The following ING1 variants were observed in gnomAD, a reference collection of about 807,000 sequenced individuals.
ING1 encodes the protein inhibitor of growth protein 1.
In ING1, 4 loss-of-function variants were observed where a neutral mutation model predicts 23.1. That is an observed-to-expected ratio of 0.17 (90% CI 0.09 to 0.40). The LOEUF is 0.40. Ranked by LOEUF, ING1 falls within the 10% of genes least tolerant of loss-of-function variation. The pLI is 1.00. For missense variants in ING1, 256 were observed against 393.8 expected (o/e 0.65, Z 2.96); for synonymous variants, 179 against 166.4 (o/e 1.08, Z -0.58).
At chr13:110,716,031 A>C in intron 1 of ING1, 1 of 1,482,058 alleles carries the variant, frequency 6.7e-7, no homozygotes, top group South Asian at 1.4e-5. Context: ...GGCTGCGTCC[A>C]CGAGGGGGAC....
chr13:110,715,411 C>T (rs1479010295), intron 1 of ING1: 3 of 1,537,204 alleles, frequency 2.0e-6, no homozygotes, highest in East Asian at 2.3e-5. Flanking sequence ...TATTATGGAA[C>T]GTCCCGCCTC....
In ING1 at chr13:110,720,246, G is replaced by A. The variant is rs1566383450; in HGVS notation, c.*314G>A. On this transcript the variant is annotated 3_prime_UTR_variant, in exon 2 of 2. Coordinates refer to ENST00000333219, the MANE Select transcript of ING1 (RefSeq NM_198219.3). ...CAACCTAACACATTAAATGTGGAAG[G>A]AAAATATTTCATTTAGCTTTTTTAT... is the stretch of plus-strand genomic sequence containing the variant. 5 of 208,268 alleles carry A rather than the reference G, an allele frequency of 2.4e-5. No individual in the cohort carries two copies. Among genetic ancestry groups the A allele is most frequent in the Non-Finnish European group, 5.2e-5 (5 of 95,744 alleles). 12.9% of individuals were successfully genotyped at this position (208,268 alleles called of 1,614,324 possible).
rs35992622 is a variant in ING1, at chr13:110,719,461, G to A, written c.369G>A (p.Ala123=). Reference sequence around the variant, plus strand: ...CGCAGCAGGAGCTGGGCGACACAGCGGGCAACAGCGGCAAGGCTGGCGCGG... The same window carrying A: ...CGCAGCAGGAGCTGGGCGACACAGCAGGCAACAGCGGCAAGGCTGGCGCGG... ...FEAQQELGDT[A]GNSGKAGADR... The change falls in exon 2 of 2, where the codon GCG becomes GCA. Residue 123 remains alanine, a synonymous_variant. Transcript: ENST00000333219. This position sits in a 1 kb window ranked among gnomAD's most constrained non-coding sequence, Gnocchi z 8.9. The A allele has an allele frequency of 1.2e-5, 20 of 1,612,682 alleles. 1 individual carries two copies. The highest frequency in any genetic ancestry group is 1.6e-4 in the Middle Eastern group (1 of 6,074).
chr13:110,716,303 T>C lies in ING1; in HGVS notation c.136+2018T>C, dbSNP rs574059029. On this transcript the variant is annotated intron_variant, in intron 1 of 1. Transcript: ENST00000333219. The stretch of plus-strand genomic sequence containing the variant: ...ATGTTCACCTAGGGTGATGAACTTT[T>C]TGGCTTCAGGAAAGATCACAGTCCT... Among the ~76,000 whole-genome samples the C allele has an allele frequency of 1.4e-4, 22 of 152,268 alleles. 1 individual carries two copies. Among genetic ancestry groups the C allele is most frequent in the Admixed American group, 1.3e-3 (20 of 15,308 alleles).
chr13:110,714,284 A>G lies in ING1; in HGVS notation c.135A>G (p.Gln45=). 1 of 1,554,428 alleles carries G rather than the reference A, an allele frequency of 6.4e-7. No homozygotes were observed. The highest frequency in any genetic ancestry group is 8.7e-7 in the Non-Finnish European group (1 of 1,150,978). Residue 45 remains glutamine (Q), a splice_region_variant and synonymous_variant, in exon 1 of 2, where the codon CAA becomes CAG. Coordinates refer to ENST00000333219, the MANE Select transcript of ING1 (RefSeq NM_198219.3). ...SLMREIDAKY[Q]EILKELDECY... ...TGCGGGAGATCGACGCGAAATACCA[A>G]GGTACGGCCGGGTGATGGATGGGCG...
At chr13:110,713,062 C>G (rs761089147), upstream of ING1, 1 of 1,453,036 alleles carries the variant, frequency 6.9e-7, no homozygotes, top group Non-Finnish European at 9.1e-7. Flanking sequence ...TCCGCCCGTG[C>G]CCGGCCCTCC....
rs778251572 is a variant in ING1, at chr13:110,719,310, G to C, written c.218G>C (p.Cys73Ser). 38 of 1,609,824 alleles carry C rather than the reference G, an allele frequency of 2.4e-5. No homozygotes were observed. The highest frequency in any genetic ancestry group is 3.1e-5 in the Non-Finnish European group (37 of 1,179,856). Residue 73 changes from cysteine (C) to serine (S), a missense_variant, in exon 2 of 2, where the codon TGT (cysteine) becomes TCT (serine). Physicochemically the swap from Cys to Ser is moderately radical, Grantham distance 112. Coordinates refer to ENST00000333219, the MANE Select transcript of ING1 (RefSeq NM_198219.3). This position sits in a 1 kb window ranked among gnomAD's most constrained non-coding sequence, Gnocchi z 8.9. ...GCGCAGAAGCGGCGGATGCTGCACT[G>C]TGTGCAGCGCGCGCTGATCCGCAGC... is the stretch of plus-strand genomic sequence containing the variant. ...DGAQKRRMLHCVQRALIRSQE... is the reference protein window; with the variant it reads ...DGAQKRRMLHSVQRALIRSQE...
chr13:110,716,717 C>T (rs2064126839), intron 1 of ING1, among the ~76,000 whole-genome samples: 1 of 152,158 alleles, frequency 6.6e-6, no homozygotes, highest in African/African-American at 2.4e-5. Flanking sequence ...GTTGCTACAA[C>T]CCCATTTAAT....
At position 110,715,947 on chromosome 13, in the gene ING1, G is replaced by A. The variant is rs1239550374; in HGVS notation, c.136+1662G>A. The A allele has an allele frequency of 1.9e-6, 3 of 1,549,182 alleles. No individual in the cohort carries two copies. In the African/African-American group the frequency reaches 4.1e-5, roughly 21 times the overall value. On this transcript the variant is annotated intron_variant, in intron 1 of 1. Transcript: ENST00000333219. ...TCCCGCGACCCGCGGGGCCGGCTCG[G>A]AGACAGTTTCAGGCCGCATCTCTGC...
In ING1 at chr13:110,714,141, G is replaced by T. The variant is rs564793001; in HGVS notation, c.-9G>T. ...CGCGCCGAGTCGCCGGGGACCTCCGGGGTGAACCATGTTGAGTCCTGCCAA... is the reference window on the plus strand; with the variant it reads ...CGCGCCGAGTCGCCGGGGACCTCCGTGGTGAACCATGTTGAGTCCTGCCAA... On this transcript the variant is annotated 5_prime_UTR_variant, in exon 1 of 2. Coordinates refer to ENST00000333219, the MANE Select transcript of ING1 (RefSeq NM_198219.3). 15 of 1,529,352 alleles carry T rather than the reference G, an allele frequency of 9.8e-6. No homozygotes were observed. In the East Asian group the frequency reaches 3.8e-4, roughly 38 times the overall value. 94.7% of individuals were successfully genotyped at this position (1,529,352 alleles called of 1,614,324 possible). A position where few individuals can be genotyped will look rare whatever the true frequency, so the allele number is the denominator to read the frequency against.
In ING1 at chr13:110,719,746, C is replaced by T. The variant is rs771242725; in HGVS notation, c.654C>T (p.Val218=). The change falls in exon 2 of 2, where the codon GTC becomes GTT. Residue 218 remains valine, a synonymous_variant. Coordinates refer to ENST00000333219, the MANE Select transcript of ING1 (RefSeq NM_198219.3). This position sits in a 1 kb window ranked among gnomAD's most constrained non-coding sequence, Gnocchi z 8.9. Reference sequence around the variant, plus strand: ...CCACGTACTGTCTGTGCAACCAGGTCTCCTATGGGGAGATGATCGGCTGCG... The same window carrying T: ...CCACGTACTGTCTGTGCAACCAGGTTTCCTATGGGGAGATGATCGGCTGCG... ...NEPTYCLCNQ[V]SYGEMIGCDN... 11 of 1,613,926 alleles carry T rather than the reference C, an allele frequency of 6.8e-6. No individual in the cohort carries two copies. Among genetic ancestry groups the T allele is most frequent in the Non-Finnish European group, 9.3e-6 (11 of 1,179,990 alleles).
At chr13:110,717,005 A>G (rs960113786) in intron 1 of ING1, among the ~76,000 whole-genome samples, 3 of 152,226 alleles carry the variant, frequency 2.0e-5, no homozygotes, top group African/African-American at 7.2e-5. Context: ...TCTTGCCCAC[A>G]AATTAGGCTT....
chr13:110,716,340 A>T (rs1488887066), intron 1 of ING1, among the ~76,000 whole-genome samples: 1 of 152,060 alleles, frequency 6.6e-6, no homozygotes, highest in East Asian at 1.9e-4. Context: ...CCCCCCCGGG[A>T]GTACTGGAGC....
intron 1 of ING1, among the ~76,000 whole-genome samples, chr13:110,714,579 G>T (rs1315418726): frequency 1.3e-5 from 2 of 151,978 alleles, no homozygotes; most frequent in Non-Finnish European, 2.9e-5. Flanking sequence ...GGGGGAGGGG[G>T]CGGCGGGTCC....
chr13:110,719,457 C>G lies in ING1; in HGVS notation c.365C>G (p.Thr122Arg), dbSNP rs1307970734. 2.5e-6 allele frequency: 4 copies of G among 1,612,792 alleles called. No individual in the cohort carries two copies. Among genetic ancestry groups the G allele is most frequent in the East Asian group, 4.5e-5 (2 of 44,862 alleles). ...GAGGCGCAGCAGGAGCTGGGCGACA[C>G]AGCGGGCAACAGCGGCAAGGCTGGC... is the stretch of plus-strand genomic sequence containing the variant. ...LFEAQQELGD[T>R]AGNSGKAGAD... is the part of the protein sequence containing the mutation. Residue 122 changes from threonine (T) to arginine (R), a missense_variant, in exon 2 of 2, where the codon ACA becomes AGA. Coordinates refer to ENST00000333219, the MANE Select transcript of ING1 (RefSeq NM_198219.3). The surrounding 1 kb of genome is among the most constrained non-coding windows in gnomAD (Gnocchi z 8.9).
intron 1 of ING1, chr13:110,715,018 C>T (rs927981516): frequency 1.9e-5 from 19 of 992,700 alleles, no homozygotes; most frequent in Non-Finnish European, 2.3e-5. Context: ...GCGCTGCGCT[C>T]GGGGGGGCGC....
chr13:110,715,976 C>G, intron 1 of ING1: 1 of 1,516,952 alleles, frequency 6.6e-7, no homozygotes, highest in South Asian at 1.3e-5. Flanking sequence ...TCTCTGCTGA[C>G]CCGAGGGTGG....
rs1314609795 is a variant in ING1 at position 110,713,747 on chromosome 13, C to T, written c.-403C>T. 2 of 985,026 alleles carry T rather than the reference C, an allele frequency of 2.0e-6. No individual in the cohort carries two copies. Among genetic ancestry groups the T allele is most frequent in the Non-Finnish European group, 2.4e-6 (2 of 829,850 alleles). The allele number at this position is 985,026 out of a possible 1,614,324, so 61.0% of individuals were successfully genotyped here. The stretch of plus-strand genomic sequence containing the variant: ...GCGGCTCGGCGGCCAGCGGAGCGCG[C>T]CCCTTCCCGCTGCCCGCTCCGCTCC... On this transcript the variant is annotated 5_prime_UTR_variant, in exon 1 of 2. Coordinates refer to ENST00000333219, the MANE Select transcript of ING1 (RefSeq NM_198219.3).
chr13:110,715,597 G>T lies in ING1; in HGVS notation c.136+1312G>T, dbSNP rs774161305. The T allele has an allele frequency of 4.3e-6, 7 of 1,613,932 alleles. No individual in the cohort carries two copies. In the African/African-American group the frequency reaches 5.3e-5, roughly 12 times the overall value. On this transcript the variant is annotated intron_variant, in intron 1 of 1. Transcript: ENST00000333219. ...GAGGAGCGGGGTGGAGGGTGGACGAGTTGATTTGAACGTCTTCGGGTCGCT... is the reference window on the plus strand; with the variant it reads ...GAGGAGCGGGGTGGAGGGTGGACGATTTGATTTGAACGTCTTCGGGTCGCT...
Sources: allele counts gnomAD v4.1 joint callset (sites outside exome capture counted in the v4.1 genomes callset), GRCh38; gene constraint gnomAD v4.1.1; non-coding constraint Gnocchi (gnomAD v3.1); transcripts MANE v1.5; gene names NCBI Gene and HGNC (gene_info 2026-07-23, HGNC 2026-07-21).